NKAIN2: variants seen among roughly 807,000 people sequenced by gnomAD.
The protein encoded by NKAIN2 is sodium/potassium-transporting ATPase subunit beta-1-interacting protein 2.
NKAIN2 carries 14 observed loss-of-function variants against 32.6 expected under a neutral mutation model. That is an observed-to-expected ratio of 0.43 (90% CI 0.28 to 0.67). NKAIN2 has a LOEUF of 0.67. Ranked by LOEUF, NKAIN2 falls within the 30% of genes least tolerant of loss-of-function variation. The probability of loss-of-function intolerance (pLI) is 0.17; values close to 1 mark genes in which losing one functional copy is unlikely to be tolerated. For missense variants in NKAIN2, 198 were observed against 258.3 expected, an observed-to-expected ratio of 0.77 and a Z score of 1.60; for synonymous variants, 80 against 87.2, an observed-to-expected ratio of 0.92 and a Z score of 0.46.
At chr6:123,851,457 G>A (rs202057556) in intron 1 of NKAIN2, among the ~76,000 whole-genome samples, 3 of 151,872 alleles carry the variant, frequency 2.0e-5, no homozygotes, top group Admixed American at 1.3e-4. Flanking sequence ...CACCATGTTG[G>A]CCAGGCTGGT....
At chr6:124,381,892 A>G (rs1000066961) in intron 3 of NKAIN2, among the ~76,000 whole-genome samples, 3 of 152,214 alleles carry the variant, frequency 2.0e-5, no homozygotes, top group Non-Finnish European at 4.4e-5. Context: ...CTTTAGTATG[A>G]AAGCACACAT....
At chr6:124,562,245 G>A (rs578211924) in intron 3 of NKAIN2, among the ~76,000 whole-genome samples, 5 of 152,098 alleles carry the variant, frequency 3.3e-5, no homozygotes, top group Non-Finnish European at 7.4e-5. Flanking sequence ...GAGTAAAAAG[G>A]TTTCTTCCTC....
At chr6:124,343,537 ATGGTATCTCATTG>A (rs1453447256) in intron 2 of NKAIN2, among the ~76,000 whole-genome samples, 2 of 151,980 alleles carry the variant, frequency 1.3e-5, no homozygotes, top group Non-Finnish European at 2.9e-5. Context: ...CTGGTGTGAG[ATGGTATCTCATTG>A]TGGTTTTGAT....
At chr6:123,858,122 T>TA (rs112684626) in intron 1 of NKAIN2, among the ~76,000 whole-genome samples, 62 of 149,772 alleles carry the variant, frequency 4.1e-4, no homozygotes, top group Middle Eastern at 3.4e-3. Flanking sequence ...TTATTATTAT[T>TA]TTTTTTTTTT....
intron 3 of NKAIN2, chr6:124,390,986 G>T (rs1432245964): frequency 1.3e-5 from 2 of 152,050 alleles, no homozygotes; most frequent in Non-Finnish European, 2.9e-5. Context: ...TTCTGGTGCT[G>T]TTTTGGACAT....
At chr6:124,750,367 C>A (rs1206582388) in intron 4 of NKAIN2, among the ~76,000 whole-genome samples, 2 of 151,848 alleles carry the variant, frequency 1.3e-5, no homozygotes, top group African/African-American at 4.8e-5. Flanking sequence ...TTTTAGTGGG[C>A]AATGTCTATA....
At chr6:124,332,896 GT>G (rs775020379) in intron 2 of NKAIN2, among the ~76,000 whole-genome samples, 32 of 152,276 alleles carry the variant, frequency 2.1e-4, no homozygotes, top group Non-Finnish European at 4.0e-4. Flanking sequence ...AGTTTCAAAA[GT>G]AGATAGAACT....
intron 1 of NKAIN2, among the ~76,000 whole-genome samples, chr6:123,971,904 A>G (rs1440547210): frequency 6.6e-6 from 1 of 152,216 alleles, no homozygotes; most frequent in African/African-American, 2.4e-5. Context: ...CTGGACAAGT[A>G]AAATACAATT....
intron 3 of NKAIN2, among the ~76,000 whole-genome samples, chr6:124,407,923 G>T (rs1583201910): frequency 6.7e-6 from 1 of 150,046 alleles, no homozygotes; most frequent in African/African-American, 2.4e-5. Context: ...TTGTGGTTTT[G>T]ATTTGCATTT....
chr6:124,440,100 C>G (rs997424141), intron 3 of NKAIN2, among the ~76,000 whole-genome samples: 12 of 152,026 alleles, frequency 7.9e-5, no homozygotes, highest in Non-Finnish European at 1.5e-4. Context: ...CTGCATTAAC[C>G]AATCATCAAA....
chr6:124,143,653 C>T (rs956917421), intron 1 of NKAIN2, among the ~76,000 whole-genome samples: 3 of 152,090 alleles, frequency 2.0e-5, no homozygotes, highest in Non-Finnish European at 2.9e-5. Flanking sequence ...CCACCACACC[C>T]ATGTATTCAT....
chr6:124,586,529 C>A (rs1583478764), intron 3 of NKAIN2, among the ~76,000 whole-genome samples: 1 of 151,582 alleles, frequency 6.6e-6, no homozygotes. Flanking sequence ...ATCCGCACAC[C>A]AAACCCTCAG....
At chr6:123,841,036 A>G (rs892409102) in intron 1 of NKAIN2, among the ~76,000 whole-genome samples, 9 of 151,606 alleles carry the variant, frequency 5.9e-5, no homozygotes, top group African/African-American at 1.9e-4. Context: ...TTTAAATGCA[A>G]TGTAGATCTG....
intron 2 of NKAIN2, among the ~76,000 whole-genome samples, chr6:124,286,251 TTAA>T (rs983465248): frequency 2.0e-5 from 3 of 152,134 alleles, no homozygotes; most frequent in African/African-American, 7.2e-5. Context: ...CTTTAAGCCT[TTAA>T]TGTTATACAT....
chr6:124,194,495 G>C (rs540036429), intron 1 of NKAIN2, among the ~76,000 whole-genome samples: 2 of 151,856 alleles, frequency 1.3e-5, no homozygotes, highest in South Asian at 2.1e-4. Context: ...TTTAATTAAT[G>C]GAATTTGATT....
At chr6:124,402,309 C>T (rs777135010) in intron 3 of NKAIN2, among the ~76,000 whole-genome samples, 12 of 152,214 alleles carry the variant, frequency 7.9e-5, no homozygotes, top group Admixed American at 2.0e-4. Flanking sequence ...TTATGAGTGG[C>T]GTGAAGTAGG....
intron 4 of NKAIN2, among the ~76,000 whole-genome samples, chr6:124,734,485 A>G (rs1776844515): frequency 6.6e-6 from 1 of 151,766 alleles, no homozygotes. Context: ...CTTTATCATT[A>G]CCCTTCAAAA....
chr6:124,547,485 A>G (rs1562249701), intron 3 of NKAIN2, among the ~76,000 whole-genome samples: 1 of 152,236 alleles, frequency 6.6e-6, no homozygotes, highest in East Asian at 1.9e-4. Flanking sequence ...TTATAAATAC[A>G]TACAGAAATT....
At chr6:123,829,033 C>G (rs1344789470) in intron 1 of NKAIN2, 1 of 152,160 alleles carries the variant, frequency 6.6e-6, no homozygotes, top group Non-Finnish European at 1.5e-5. Flanking sequence ...TATATGAAAA[C>G]TGCTTAACTG....
Sources: gnomAD v4.1 joint callset for allele counts (sites outside exome capture counted in the v4.1 genomes callset) on GRCh38, gnomAD v4.1.1 for gene constraint, MANE v1.5 for transcripts, NCBI Gene and HGNC (gene_info 2026-07-23, HGNC 2026-07-21) for gene names.